Variants in SCN9A observed in about 807,000 individuals in gnomAD.
SCN9A encodes sodium channel protein type 9 subunit alpha.
In SCN9A, 131 loss-of-function variants were observed where a neutral mutation model predicts 187.0. The observed-to-expected ratio is 0.70, with a 90% CI of 0.61 to 0.81. The LOEUF is 0.81. SCN9A is among the 30% of genes least tolerant of loss of function. The probability of loss-of-function intolerance (pLI) is 0.00; values close to 1 mark genes in which losing one functional copy is unlikely to be tolerated. For synonymous variants in SCN9A, 809 were observed against 808.6 expected (o/e 1.00, Z -0.01); for missense variants, 2,252 against 2,396.6 (o/e 0.94, Z 1.26).
Position 166,272,455 on chromosome 2 carries a change from C to T in SCN9A, c.3295G>A (p.Glu1099Lys). ...VPIAPGESDL[E>K]NMNAEELSSD... ...CTAAGTTCCTCAGCATTCATATTTT[C>T]CAAATCGGATTCCCCAGGTGCAATT... Residue 1099 changes from glutamate (E) to lysine (K), a missense_variant, in exon 17 of 27, where the codon GAA (glutamate) becomes AAA (lysine). By Grantham distance (56) the Glu-to-Lys change is moderately conservative (BLOSUM62 1). Around this residue, in one of 7 missense-constraint regions of SCN9A, gnomAD observed 313 missense variants for 295.3 expected, o/e 1.06. Transcript: ENST00000642356. 2 of 1,611,094 alleles carry T rather than the reference C, an allele frequency of 1.2e-6. No individual in the cohort carries two copies. The highest frequency in any genetic ancestry group is 1.7e-6 in the Non-Finnish European group (2 of 1,178,414).
intron 1 of SCN9A, among the ~76,000 whole-genome samples, chr2:166,362,710 A>G (rs1445019002): frequency 6.6e-6 from 1 of 151,854 alleles, no homozygotes; most frequent in Non-Finnish European, 1.5e-5. Context: ...ATATTCCAGA[A>G]GGAATTAAAA....
In SCN9A at chr2:166,228,792, C is replaced by T. The variant is rs1298235055; in HGVS notation, c.4105G>A (p.Glu1369Lys). The T allele has an allele frequency of 1.1e-5, 18 of 1,613,776 alleles. No individual in the cohort carries two copies. Among genetic ancestry groups the T allele is most frequent in the East Asian group, 4.5e-5 (2 of 44,884 alleles). The change falls in exon 22 of 27, where the codon GAA becomes AAA. Residue 1369 changes from glutamate to lysine, a missense_variant. By Grantham distance (56) the Glu-to-Lys change is moderately conservative (BLOSUM62 1). Transcript: ENST00000642356. Reference sequence around the variant, plus strand: ...CTAACATTCATAAGGGCAAAACATTCGGAACGATTTGGAACTTGACTTGCA... The same window carrying T: ...CTAACATTCATAAGGGCAAAACATTTGGAACGATTTGGAACTTGACTTGCA... Reference protein sequence around the residue: ...FPASQVPNRSECFALMNVSQN... With the variant: ...FPASQVPNRSKCFALMNVSQN...
chr2:166,310,551 G>C (rs547186293), intron 2 of SCN9A, among the ~76,000 whole-genome samples: 2 of 90,468 alleles, frequency 2.2e-5, no homozygotes, highest in East Asian at 5.0e-4. Flanking sequence ...ACCACAATGA[G>C]ATACCATCTC....
intron 7 of SCN9A, among the ~76,000 whole-genome samples, chr2:166,299,331 T>A (rs907593886): frequency 2.0e-5 from 3 of 150,792 alleles, no homozygotes; most frequent in African/African-American, 7.5e-5. Flanking sequence ...TGTATGCACC[T>A]TATTCTTACC....
chr2:166,279,805 T>C (rs1697396883), intron 14 of SCN9A, among the ~76,000 whole-genome samples: 1 of 151,814 alleles, frequency 6.6e-6, no homozygotes. Context: ...ACAATTATAT[T>C]ATAAATAATT....
intron 15 of SCN9A, chr2:166,277,780 A>C (rs1353746619): frequency 4.4e-6 from 1 of 227,008 alleles, no homozygotes; most frequent in Non-Finnish European, 8.4e-6. Flanking sequence ...GTTTTGGGGG[A>C]TAACAATTTG....
chr2:166,355,448 T>C (rs535860380), intron 1 of SCN9A, among the ~76,000 whole-genome samples: 1 of 152,168 alleles, frequency 6.6e-6, no homozygotes, highest in South Asian at 2.1e-4. Flanking sequence ...GGTCAGTGTC[T>C]TTAGTCTCTT....
At chr2:166,273,608 AGT>A (rs980502996) in intron 16 of SCN9A, among the ~76,000 whole-genome samples, 1 of 152,022 alleles carries the variant, frequency 6.6e-6, no homozygotes, top group African/African-American at 2.4e-5. Context: ...TTTATTTCTG[AGT>A]TAATTATTTT....
chr2:166,221,496 G>A (rs1694582272), intron 24 of SCN9A, among the ~76,000 whole-genome samples: 1 of 152,062 alleles, frequency 6.6e-6, no homozygotes, highest in Non-Finnish European at 1.5e-5. Context: ...ATACTCTTGG[G>A]CTTCAGTGAT....
intron 1 of SCN9A, among the ~76,000 whole-genome samples, chr2:166,324,548 G>C (rs774976082): frequency 1.1e-4 from 17 of 152,054 alleles, no homozygotes; most frequent in Non-Finnish European, 1.9e-4. Context: ...AATTTTTAAA[G>C]CATTCTCAAG....
intron 2 of SCN9A, among the ~76,000 whole-genome samples, chr2:166,310,888 T>A (rs6723900): frequency 0.01 from 616 of 59,414 alleles, 2 homozygotes; most frequent in Middle Eastern, 0.029. Flanking sequence ...AAAATGTGGC[T>A]CATATACACC....
intron 1 of SCN9A, among the ~76,000 whole-genome samples, chr2:166,339,971 A>G (rs575092590): frequency 6.6e-6 from 1 of 152,262 alleles, no homozygotes; most frequent in South Asian, 2.1e-4. Flanking sequence ...CTCAGGAACT[A>G]TGTCTCCTAT....
intron 6 of SCN9A, chr2:166,303,911 G>A: frequency 9.6e-7 from 1 of 1,043,684 alleles, no homozygotes; most frequent in Non-Finnish European, 1.4e-6. Flanking sequence ...GTTGACTTTT[G>A]ATAATGATTG....
chr2:166,266,270 T>C (rs889227705), intron 17 of SCN9A, among the ~76,000 whole-genome samples: 1 of 151,946 alleles, frequency 6.6e-6, no homozygotes, highest in Non-Finnish European at 1.5e-5. Context: ...CTAATTTCAT[T>C]CTTTTGCATG....
chr2:166,229,719 A>G (rs1213899436), intron 21 of SCN9A, among the ~76,000 whole-genome samples: 1 of 152,182 alleles, frequency 6.6e-6, no homozygotes, highest in Non-Finnish European at 1.5e-5. Context: ...AAAAATTAGG[A>G]ACAGTTTTTC....
intron 14 of SCN9A, 138 bp from the exon 15 acceptor site, chr2:166,278,451 A>G: frequency 1.4e-6 from 1 of 707,150 alleles, no homozygotes; most frequent in Non-Finnish European, 2.2e-6. Context: ...ATTCTTATCT[A>G]ACTTAGTCCT....
chr2:166,242,178 T>A (rs1401845638), intron 19 of SCN9A, among the ~76,000 whole-genome samples: 2 of 152,144 alleles, frequency 1.3e-5, no homozygotes, highest in Non-Finnish European at 2.9e-5. Context: ...ACCTTCTCTC[T>A]TTGTTCTACA....
intron 19 of SCN9A, among the ~76,000 whole-genome samples, chr2:166,241,101 A>G (rs1335275598): frequency 1.3e-5 from 2 of 152,162 alleles, no homozygotes; most frequent in Non-Finnish European, 2.9e-5. Flanking sequence ...GCATCCATGA[A>G]ACAGTATCAG....
At chr2:166,220,419 G>A (rs931886042) in intron 24 of SCN9A, among the ~76,000 whole-genome samples, 1 of 152,108 alleles carries the variant, frequency 6.6e-6, no homozygotes, top group Admixed American at 6.5e-5. Context: ...TCAGGATTGA[G>A]TTCATTATAA....
Sources: allele counts gnomAD v4.1 joint callset (sites outside exome capture counted in the v4.1 genomes callset), GRCh38; gene constraint gnomAD v4.1.1; regional missense constraint gnomAD v4.1.1; transcripts MANE v1.5; gene names NCBI Gene and HGNC (gene_info 2026-07-23, HGNC 2026-07-21).